ASAH1: variants seen among roughly 807,000 people sequenced by gnomAD.
ASAH1 encodes the protein N-acylsphingosine amidohydrolase 1.
Under a neutral mutation model 59.5 loss-of-function variants are expected in ASAH1, and 70 were observed. The observed-to-expected ratio is 1.18, with a 90% CI of 0.97 to 1.43. The LOEUF (loss-of-function observed/expected upper bound fraction) is 1.43, where lower values mean the gene tolerates loss of function less well. Ranked by LOEUF, ASAH1 falls within the 40% of genes most tolerant of loss-of-function variation. The pLI is 0.00. For synonymous variants in ASAH1, 213 were observed against 166.5 expected (o/e 1.28, Z -2.15); for missense variants, 660 against 482.5 (o/e 1.37, Z -3.45).
intron 1 of ASAH1, chr8:18,076,277 T>C (rs375833523): frequency 1.3e-5 from 2 of 154,478 alleles, no homozygotes; most frequent in Non-Finnish European, 2.9e-5. Context: ...ATACCCTCCT[T>C]TCCTCCCACA....
At chr8:18,064,622 T>G (rs771577083) in intron 5 of ASAH1, 91 bp from the exon 6 acceptor site, 1 of 787,228 alleles carries the variant, frequency 1.3e-6, no homozygotes, top group African/African-American at 1.7e-5. Flanking sequence ...GTTTTCATTG[T>G]GTGAGTGTGT....
At chr8:18,059,309 G>A (rs752971510) in intron 12 of ASAH1, 32 bp downstream of exon 12, 1 of 1,613,988 alleles carries the variant, frequency 6.2e-7, no homozygotes, top group South Asian at 1.1e-5. Flanking sequence ...AATGGCAACA[G>A]TTTCTTTCTA....
rs1422030114 is a variant in ASAH1, at chr8:18,066,871, C to T, written c.382+349G>A. The T allele has an allele frequency of 3.5e-4, 104 of 300,852 alleles. 1 individual carries two copies. In the East Asian group the frequency reaches 5.3e-3, roughly 15 times the overall value. 18.6% of individuals were successfully genotyped at this position (300,852 alleles called of 1,614,324 possible). A position where few individuals can be genotyped will look rare whatever the true frequency, so the allele number is the denominator to read the frequency against. ...CCACCCATAATGAAATACAAGAAAT[C>T]ACACAGGACAGTTCATATTGTTCAG... On this transcript the variant is annotated intron_variant, in intron 5 of 13. Coordinates refer to ENST00000637790, the MANE Select transcript of ASAH1 (RefSeq NM_177924.5).
chr8:18,079,894 T>C (rs1177346970), intron 1 of ASAH1, among the ~76,000 whole-genome samples: 1 of 152,252 alleles, frequency 6.6e-6, no homozygotes, highest in Non-Finnish European at 1.5e-5. Context: ...TCACTTGTCT[T>C]CTGGGCTTTG....
upstream of ASAH1, chr8:18,084,902 G>A: frequency 6.6e-7 from 1 of 1,518,916 alleles, no homozygotes; most frequent in Non-Finnish European, 8.9e-7. Flanking sequence ...AGGGGGACTC[G>A]CTTGGCTTTC....
chr8:18,059,823 T>C, intron 10 of ASAH1, 120 bp from the exon 11 acceptor site: 1 of 1,003,712 alleles, frequency 1.0e-6, no homozygotes, highest in Non-Finnish European at 1.4e-6. Flanking sequence ...GCAGGTTTGT[T>C]ACATAGGTAC....
intron 2 of ASAH1, among the ~76,000 whole-genome samples, chr8:18,075,097 G>T (rs61687179): frequency 0.035 from 5,051 of 143,154 alleles, 167 homozygotes; most frequent in Admixed American, 0.056. Context: ...CCGGGTTCAC[G>T]CCATTCTCCT....
chr8:18,084,746 T>A (rs762328096), upstream of ASAH1: 2 of 1,613,710 alleles, frequency 1.2e-6, no homozygotes, highest in South Asian at 2.2e-5. Flanking sequence ...GAGACTTGGG[T>A]AGGAGGCCCG....
At chr8:18,073,086 T>C (rs1800240935) in intron 2 of ASAH1, among the ~76,000 whole-genome samples, 1 of 152,156 alleles carries the variant, frequency 6.6e-6, no homozygotes, top group Non-Finnish European at 1.5e-5. Context: ...CCATCAAACC[T>C]GCACTAATTA....
At position 18,064,471 on chromosome 8, in the gene ASAH1, G is replaced by T; in HGVS notation, c.443C>A (p.Ala148Glu). The T allele has an allele frequency of 6.4e-7, 1 of 1,574,438 alleles. No homozygotes were observed. Among genetic ancestry groups the T allele is most frequent in the Non-Finnish European group, 8.7e-7 (1 of 1,145,736 alleles). The change falls in exon 6 of 14, where the codon GCA becomes GAA. Residue 148 changes from alanine to glutamate, a missense_variant. Coordinates refer to ENST00000637790, the MANE Select transcript of ASAH1 (RefSeq NM_177924.5). ...CGCACAATTACCTTTTTTGTCTTCTGCTACTATTGAAGTACAAATGGTAAA... is the reference window on the plus strand; with the variant it reads ...CGCACAATTACCTTTTTTGTCTTCTTCTACTATTGAAGTACAAATGGTAAA... ...ELFTICTSIV[A>E]EDKKGHLIHG...
intron 3 of ASAH1, 87 bp downstream of exon 3, chr8:18,071,213 A>AAC (rs1800155143): frequency 1.3e-6 from 1 of 776,476 alleles, no homozygotes; most frequent in African/African-American, 1.9e-5. Context: ...TCTCAAAACA[A>AAC]AAAAAAAATC....
chr8:18,075,267 A>G (rs954111567), intron 2 of ASAH1, among the ~76,000 whole-genome samples: 1 of 152,168 alleles, frequency 6.6e-6, no homozygotes, highest in East Asian at 1.9e-4. Context: ...TGCTGGGATT[A>G]CAGGCGTGAG....
Position 18,069,871 on chromosome 8 carries a change from A to G in ASAH1, c.224T>C (p.Val75Ala). The G allele has an allele frequency of 6.3e-7, 1 of 1,577,676 alleles. No individual in the cohort carries two copies. Among genetic ancestry groups the G allele is most frequent in the Non-Finnish European group, 8.7e-7 (1 of 1,150,710 alleles). ...CATATTCTTCAGAGAATTCACTATA[A>G]CCTTTAGCTGAAAAATAAATAAAAT... Reference protein sequence around the residue: ...LMLDKAPVLKVIVNSLKNMIN... With the variant: ...LMLDKAPVLKAIVNSLKNMIN... The change falls in exon 4 of 14, where the codon GTT (valine) becomes GCT (alanine). Residue 75 changes from valine to alanine, a missense_variant. By Grantham distance (64) the Val-to-Ala change is moderately conservative. Transcript: ENST00000637790.
At chr8:18,058,289 G>C (rs1217763916) in intron 13 of ASAH1, 2 of 155,806 alleles carry the variant, frequency 1.3e-5, no homozygotes, top group African/African-American at 4.8e-5. Context: ...ACTTTAGGGA[G>C]AGCTGTGGAG....
Position 18,059,195 on chromosome 8 carries a change from G to T in ASAH1, c.1041+146C>A, listed in dbSNP as rs886212805. On this transcript the variant is annotated intron_variant, in intron 12 of 13. Coordinates refer to ENST00000637790, the MANE Select transcript of ASAH1 (RefSeq NM_177924.5). Reference sequence around the variant, plus strand: ...ATTTTGCTCTTTAAGTTAAGAAAACGAAACAAAAAAATCAGTGGAGAGTGG... The same window carrying T: ...ATTTTGCTCTTTAAGTTAAGAAAACTAAACAAAAAAATCAGTGGAGAGTGG... 1.1e-5 allele frequency: 15 copies of T among 1,347,736 alleles called. No homozygotes were observed. In the African/African-American group the frequency reaches 1.9e-4, roughly 17 times the overall value. 83.5% of individuals were successfully genotyped at this position (1,347,736 alleles called of 1,614,324 possible).
intron 5 of ASAH1, chr8:18,066,375 G>A (rs1799927323): frequency 1.3e-5 from 2 of 148,520 alleles, no homozygotes; most frequent in Admixed American, 6.7e-5. Context: ...ATTTTTAAAA[G>A]GGCAAAAGAC....
Position 18,059,433 on chromosome 8 carries a change from C to T in ASAH1, c.949G>A (p.Val317Ile). 6 of 1,614,192 alleles carry T rather than the reference C, an allele frequency of 3.7e-6. No homozygotes were observed. Among genetic ancestry groups the T allele is most frequent in the Non-Finnish European group, 5.1e-6 (6 of 1,180,032 alleles). ...TTCCAACGGTCATAATTTGTTTGTA[C>T]CACATACCATCTACCCTGCTTAGCA... is the stretch of plus-strand genomic sequence containing the variant. ...LDAKQGRWYV[V>I]QTNYDRWKHP... The change falls in exon 12 of 14, where the codon GTA (valine) becomes ATA (isoleucine). Residue 317 changes from valine (V) to isoleucine (I), a missense_variant. Coordinates refer to ENST00000637790, the MANE Select transcript of ASAH1 (RefSeq NM_177924.5).
intron 10 of ASAH1, chr8:18,060,612 T>G (rs536891902): frequency 6.6e-6 from 1 of 152,266 alleles, no homozygotes; most frequent in African/African-American, 2.4e-5. Context: ...CCCTGGGAAG[T>G]ATTAAAAATA....
chr8:18,058,818 T>C lies in ASAH1; in HGVS notation c.1098+17A>G, dbSNP rs2117015286. The C allele has an allele frequency of 6.3e-7, 1 of 1,597,024 alleles. No homozygotes were observed. Among genetic ancestry groups the C allele is most frequent in the Non-Finnish European group, 8.6e-7 (1 of 1,164,454 alleles). ...TCTTTCCCTAAAAGGCAAATATACA[T>C]ATAACATTTAAAATACCTTGTTGAG... is the stretch of plus-strand genomic sequence containing the variant. On this transcript the variant is annotated intron_variant, in intron 13 of 13. Transcript: ENST00000637790.
Sources: allele counts gnomAD v4.1 joint callset (sites outside exome capture counted in the v4.1 genomes callset), GRCh38; gene constraint gnomAD v4.1.1; transcripts MANE v1.5; gene names NCBI Gene and HGNC (gene_info 2026-07-23, HGNC 2026-07-21).